PRICKLE2: variants seen among roughly 807,000 people sequenced by gnomAD.
PRICKLE2 encodes prickle-like protein 2.
In PRICKLE2, 21 loss-of-function variants were observed where a neutral mutation model predicts 81.4. That is an observed-to-expected ratio of 0.26 (90% confidence interval 0.18 to 0.37). PRICKLE2 has a LOEUF of 0.37. Among genes scored for constraint, PRICKLE2 ranks in the 10% least tolerant of loss-of-function variants. PRICKLE2 has a pLI of 1.00. For synonymous variants in PRICKLE2, 456 were observed against 421.5 expected, an observed-to-expected ratio of 1.08 and a Z score of -1.00; for missense variants, 940 against 1,109.0, an observed-to-expected ratio of 0.85 and a Z score of 2.16.
chr3:64,135,825 G>T (rs1027571077), intron 7 of PRICKLE2, among the ~76,000 whole-genome samples: 3 of 152,096 alleles, frequency 2.0e-5, no homozygotes, highest in Non-Finnish European at 4.4e-5. Flanking sequence ...AACTATTCTA[G>T]GTTAAACAAT....
intron 7 of PRICKLE2, among the ~76,000 whole-genome samples, chr3:64,106,854 T>C (rs1357942720): frequency 6.6e-6 from 1 of 152,168 alleles, no homozygotes; most frequent in Non-Finnish European, 1.5e-5. Context: ...CTGCAGCACA[T>C]AGTCCAGGGC....
At chr3:64,135,073 C>A (rs948599870) in intron 7 of PRICKLE2, among the ~76,000 whole-genome samples, 1 of 152,150 alleles carries the variant, frequency 6.6e-6, no homozygotes, top group Non-Finnish European at 1.5e-5. Flanking sequence ...AGAAACAAAT[C>A]CCTGCAGGTG....
At chr3:64,139,724 T>C (rs1392175564) in intron 7 of PRICKLE2, among the ~76,000 whole-genome samples, 2 of 152,186 alleles carry the variant, frequency 1.3e-5, no homozygotes, top group African/African-American at 4.8e-5. Context: ...CATCTGGCCC[T>C]TGCTTTCCTT....
intron 7 of PRICKLE2, among the ~76,000 whole-genome samples, chr3:64,121,467 C>T (rs1345486064): frequency 2.0e-5 from 3 of 151,690 alleles, no homozygotes; most frequent in Admixed American, 6.6e-5. Context: ...AAAATCCAAA[C>T]ATATCTGCTT....
chr3:64,214,123 C>T (rs767648139), intron 1 of PRICKLE2, among the ~76,000 whole-genome samples: 2 of 152,176 alleles, frequency 1.3e-5, no homozygotes, highest in Non-Finnish European at 2.9e-5. Context: ...CTGGTATGGA[C>T]GTGAGCCAGC....
At chr3:64,251,120 GAATC>G (rs375320367) in intron 2 of PRICKLE2, among the ~76,000 whole-genome samples, 21 of 152,310 alleles carry the variant, frequency 1.4e-4, no homozygotes, top group African/African-American at 3.1e-4. Flanking sequence ...TTGATTAAAT[GAATC>G]AATCAATCAA....
At chr3:64,198,678 T>C (rs1273184825) in intron 2 of PRICKLE2, 106 bp downstream of exon 2, 9 of 1,266,330 alleles carry the variant, frequency 7.1e-6, no homozygotes, top group Non-Finnish European at 9.2e-6. Flanking sequence ...CTACCACTTC[T>C]CTGAATCAGC....
upstream of PRICKLE2, among the ~76,000 whole-genome samples, chr3:64,227,122 C>T (rs2079042926): frequency 6.6e-6 from 1 of 152,230 alleles, no homozygotes; most frequent in Non-Finnish European, 1.5e-5. Context: ...TTTCAGAATG[C>T]TTCTCTCTAG....
chr3:64,266,224 A>G (rs1264064248), intron 2 of PRICKLE2, among the ~76,000 whole-genome samples: 1 of 151,994 alleles, frequency 6.6e-6, no homozygotes, highest in Admixed American at 6.6e-5. Flanking sequence ...GCTAAACCAA[A>G]TGATTCACAC....
chr3:64,248,670 A>AC (rs1559603006), intron 2 of PRICKLE2, among the ~76,000 whole-genome samples: 2 of 151,830 alleles, frequency 1.3e-5, no homozygotes, highest in African/African-American at 4.8e-5. Context: ...AAAAAACAAA[A>AC]CAAAAAAACC....
At chr3:64,258,219 T>C (rs946332710) in intron 2 of PRICKLE2, among the ~76,000 whole-genome samples, 3 of 152,128 alleles carry the variant, frequency 2.0e-5, no homozygotes, top group African/African-American at 7.2e-5. Flanking sequence ...TGGATGAAAG[T>C]ACTGTGGATT....
intron 7 of PRICKLE2, among the ~76,000 whole-genome samples, chr3:64,134,596 T>C (rs2077249240): frequency 7.3e-6 from 1 of 136,386 alleles, no homozygotes; most frequent in Non-Finnish European, 1.6e-5. Flanking sequence ...CCCCCAGTTA[T>C]TACAACCAAA....
Position 64,179,424 on chromosome 3 carries a change from A to G in PRICKLE2, c.145-16295T>C, listed in dbSNP as rs144877019. 8.1e-3 allele frequency among the ~76,000 whole-genome samples: 1,234 copies of G among 152,270 alleles called. 33 individuals carry two copies. The highest frequency in any genetic ancestry group is 0.059 in the Admixed American group (906 of 15,286). On this transcript the variant is annotated intron_variant, in intron 2 of 7. Transcript: ENST00000638394. ...AGCACATCACAGCCTTCTTGCTTTT[A>G]GAAACACTAGATGGCACTTCACTAT...
chr3:64,160,212 C>G, intron 3 of PRICKLE2, 135 bp from the exon 4 acceptor site: 4 of 924,592 alleles, frequency 4.3e-6, no homozygotes, highest in Non-Finnish European at 6.9e-6. Context: ...TTAACCACAA[C>G]AGCCTTGGAG....
chr3:64,153,800 G>A (rs897517204), intron 5 of PRICKLE2: 6 of 211,508 alleles, frequency 2.8e-5, no homozygotes, highest in Non-Finnish European at 5.8e-5. Context: ...AATGCTCAGT[G>A]CACATTCCTA....
intron 1 of PRICKLE2, among the ~76,000 whole-genome samples, chr3:64,224,217 A>G (rs9813283): frequency 0.061 from 9,319 of 152,250 alleles, 901 homozygotes; most frequent in African/African-American, 0.21. Context: ...AGCATAGTCC[A>G]AGACCACATA....
chr3:64,236,055 T>C (rs1272288634), intron 2 of PRICKLE2, among the ~76,000 whole-genome samples: 3 of 152,216 alleles, frequency 2.0e-5, no homozygotes, highest in Admixed American at 2.0e-4. Context: ...TTTCCATTTG[T>C]TGTATACCCT....
chr3:64,177,149 T>TG (rs2078039475), intron 2 of PRICKLE2, among the ~76,000 whole-genome samples: 1 of 144,310 alleles, frequency 6.9e-6, no homozygotes, highest in Non-Finnish European at 1.5e-5. Flanking sequence ...TTTTTTTTTT[T>TG]TTTGAGACAG....
chr3:64,160,738 A>G (rs1166420233), intron 3 of PRICKLE2, among the ~76,000 whole-genome samples: 2 of 152,150 alleles, frequency 1.3e-5, no homozygotes, highest in Non-Finnish European at 2.9e-5. Flanking sequence ...TAAATATAGA[A>G]ACTCAGAGAA....
Sources: gnomAD v4.1 joint callset for allele counts (sites outside exome capture counted in the v4.1 genomes callset) on GRCh38, gnomAD v4.1.1 for gene constraint, MANE v1.5 for transcripts, NCBI Gene and HGNC (gene_info 2026-07-23, HGNC 2026-07-21) for gene names.